Variants in TCTN1 observed in about 807,000 individuals in gnomAD.
TCTN1 encodes tectonic family member 1, also known as tectonic-1.
Under a neutral mutation model 65.8 loss-of-function variants are expected in TCTN1, and 58 were observed. The observed-to-expected ratio is 0.88, with a 90% confidence interval of 0.71 to 1.10. The LOEUF (loss-of-function observed/expected upper bound fraction) is 1.10, where lower values mean the gene tolerates loss of function less well. TCTN1 is among the 50% of genes least tolerant of loss of function. The pLI is 0.00. For missense variants in TCTN1, 645 were observed against 719.4 expected (o/e 0.90, Z 1.18); for synonymous variants, 273 against 289.1 (o/e 0.94, Z 0.57).
intron 2 of TCTN1, 84 bp downstream of exon 2, chr12:110,620,040 T>C: frequency 3.1e-6 from 5 of 1,593,266 alleles, no homozygotes; most frequent in Non-Finnish European, 4.3e-6. Flanking sequence ...TTTCCCAGGC[T>C]TAAAAACCCA....
intron 12 of TCTN1, chr12:110,646,941 A>G (rs1593389673): frequency 2.1e-6 from 1 of 481,164 alleles, no homozygotes; most frequent in East Asian, 4.2e-5. Context: ...GCACTACCGC[A>G]GTTTCAGGTG....
chr12:110,646,549 C>T (rs2067314462), intron 12 of TCTN1: 1 of 153,036 alleles, frequency 6.5e-6, no homozygotes, highest in Non-Finnish European at 1.5e-5. Context: ...GCCCACGGCC[C>T]CTTTTTCCCT....
intron 12 of TCTN1, chr12:110,646,683 A>G (rs1018050077): frequency 1.5e-5 from 3 of 201,012 alleles, no homozygotes; most frequent in African/African-American, 7.2e-5. Context: ...ACATACGGAC[A>G]CTGCCTGGAT....
intron 2 of TCTN1, 78 bp downstream of exon 2, chr12:110,620,034 C>G (rs1593226142): frequency 1.2e-6 from 2 of 1,606,292 alleles, no homozygotes; most frequent in East Asian, 2.2e-5. Flanking sequence ...GAAAACTTTC[C>G]CAGGCTTAAA....
intron 1 of TCTN1, chr12:110,616,430 A>G: frequency 3.6e-6 from 1 of 279,170 alleles, no homozygotes. Flanking sequence ...AATTTTTTGT[A>G]GGGACGGGGT....
chr12:110,624,007 C>T (rs1412549305), intron 2 of TCTN1, among the ~76,000 whole-genome samples: 3 of 152,090 alleles, frequency 2.0e-5, no homozygotes, highest in South Asian at 2.1e-4. Context: ...GTGAGAAAAG[C>T]CTTAAAACAG....
At chr12:110,625,386 T>C (rs2065765325) in intron 2 of TCTN1, among the ~76,000 whole-genome samples, 1 of 152,052 alleles carries the variant, frequency 6.6e-6, no homozygotes, top group Admixed American at 6.6e-5. Flanking sequence ...ACCTCCTGAG[T>C]AGTTGGTAAT....
chr12:110,627,770 T>TA (rs1288765064), intron 3 of TCTN1: 7 of 467,794 alleles, frequency 1.5e-5, no homozygotes, highest in Non-Finnish European at 2.6e-5. Flanking sequence ...TCTGAGCATT[T>TA]AGCTCAAATA....
At chr12:110,642,062 G>A (rs2066994166) in intron 10 of TCTN1, 187 bp from the exon 11 acceptor site, 1 of 690,228 alleles carries the variant, frequency 1.4e-6, no homozygotes, top group Admixed American at 2.7e-5. Context: ...TTTTTCTTCT[G>A]AGAATCCATT....
intron 4 of TCTN1, chr12:110,629,835 C>G (rs2066111229): frequency 6.6e-6 from 1 of 152,178 alleles, no homozygotes; most frequent in Non-Finnish European, 1.5e-5. Context: ...AGACTTGGAA[C>G]CAACCCAAAT....
chr12:110,632,177 C>G (rs1177531582), intron 4 of TCTN1, among the ~76,000 whole-genome samples: 3 of 152,202 alleles, frequency 2.0e-5, no homozygotes, highest in Non-Finnish European at 2.9e-5. Context: ...GTCCAGCCAC[C>G]TAGTTCCTGT....
At chr12:110,629,117 TG>T (rs1354624471) in intron 4 of TCTN1, 199 bp downstream of exon 4, 10 of 669,058 alleles carry the variant, frequency 1.5e-5, no homozygotes, top group Non-Finnish European at 2.5e-5. Context: ...AAGACTTAAA[TG>T]TAAGACCTAA....
Position 110,632,486 on chromosome 12 carries a change from G to T in TCTN1, c.639G>T (p.Leu213=). 1 of 1,613,888 alleles carries T rather than the reference G, an allele frequency of 6.2e-7. No homozygotes were observed. Residue 213 remains leucine, a synonymous_variant, in exon 5 of 15, where the codon CTG becomes CTT. Coordinates refer to ENST00000397659, the MANE Select transcript of TCTN1 (RefSeq NM_001082538.3). ...TAAKYEYGVP[L]QTSDSFLRFP... ...TGTGTTTGCAGTATGGGGTTCCTCT[G>T]CAGACTTCAGATTCGTTTCTGAGAT... is the stretch of plus-strand genomic sequence containing the variant.
chr12:110,642,216 C>T lies in TCTN1; in HGVS notation c.1191-33C>T, dbSNP rs1455465703. On this transcript the variant is annotated intron_variant, in intron 10 of 14. Coordinates refer to ENST00000397659, the MANE Select transcript of TCTN1 (RefSeq NM_001082538.3). Reference sequence around the variant, plus strand: ...TTACCTGAGAACCAGGCTGCTCTAGCACTAGGCAGTTGTCCCTTAACTGTC... The same window carrying T: ...TTACCTGAGAACCAGGCTGCTCTAGTACTAGGCAGTTGTCCCTTAACTGTC... 3.1e-6 allele frequency: 5 copies of T among 1,613,738 alleles called. No individual in the cohort carries two copies. In the African/African-American group the frequency reaches 4.0e-5, roughly 13 times the overall value.
chr12:110,645,735 T>C (rs2136179872), intron 12 of TCTN1: 1 of 158,006 alleles, frequency 6.3e-6, no homozygotes, highest in Non-Finnish European at 1.4e-5. Flanking sequence ...ACCTTTTTCT[T>C]TTGTCTTAGC....
intron 9 of TCTN1, 132 bp downstream of exon 9, chr12:110,641,281 C>T (rs1017705584): frequency 1.5e-6 from 2 of 1,299,046 alleles, no homozygotes; most frequent in Middle Eastern, 2.1e-4. Flanking sequence ...TTTGTGTAGC[C>T]TGTGCATTTG....
At chr12:110,631,355 T>C (rs568754763) in intron 4 of TCTN1, among the ~76,000 whole-genome samples, 1 of 149,670 alleles carries the variant, frequency 6.7e-6, no homozygotes, top group African/African-American at 2.4e-5. Flanking sequence ...TATTCTTGGC[T>C]GGGCATGGTG....
At chr12:110,623,190 C>T (rs999694880) in intron 2 of TCTN1, among the ~76,000 whole-genome samples, 6 of 152,228 alleles carry the variant, frequency 3.9e-5, no homozygotes, top group Admixed American at 2.0e-4. Flanking sequence ...TCATTCCCAC[C>T]TTCTTTCAGA....
chr12:110,619,077 C>T (rs1190333317), intron 1 of TCTN1, among the ~76,000 whole-genome samples: 1 of 151,674 alleles, frequency 6.6e-6, no homozygotes, highest in African/African-American at 2.4e-5. Flanking sequence ...ACTCAGGAGG[C>T]TGAGGCAGGA....
Sources: gnomAD v4.1 joint callset for allele counts (sites outside exome capture counted in the v4.1 genomes callset) on GRCh38, gnomAD v4.1.1 for gene constraint, MANE v1.5 for transcripts, NCBI Gene and HGNC (gene_info 2026-07-23, HGNC 2026-07-21) for gene names.